The following AHCTF1 variants were observed in gnomAD, a reference collection of about 807,000 sequenced individuals.
The protein encoded by AHCTF1 is AT-hook containing transcription factor 1, also known as protein ELYS.
AHCTF1 carries 24 observed loss-of-function variants against 248.4 expected under a neutral mutation model. That is an observed-to-expected ratio of 0.10 (90% CI 0.07 to 0.14). The LOEUF (loss-of-function observed/expected upper bound fraction) is 0.14. Among genes scored for constraint, AHCTF1 ranks in the 10% least tolerant of loss-of-function variants. The probability of loss-of-function intolerance (pLI) is 1.00; values close to 1 mark genes in which losing one functional copy is unlikely to be tolerated. For synonymous variants in AHCTF1, 786 were observed against 929.8 expected (o/e 0.85, Z 2.81); for missense variants, 2,206 against 2,636.2 (o/e 0.84, Z 3.57).
At chr1:246,848,913 A>C (rs1465669428) in intron 33 of AHCTF1, among the ~76,000 whole-genome samples, 14 of 152,130 alleles carry the variant, frequency 9.2e-5, no homozygotes, top group Non-Finnish European at 5.9e-5. Flanking sequence ...ACAGAGAGTT[A>C]CTCTGATGGG....
At chr1:246,928,225 C>A (rs1376603728) in intron 1 of AHCTF1, among the ~76,000 whole-genome samples, 1 of 151,112 alleles carries the variant, frequency 6.6e-6, no homozygotes, top group African/African-American at 2.4e-5. Context: ...ATGGCATGAA[C>A]CCGGGAGGCG....
At position 246,920,776 on chromosome 1, in the gene AHCTF1, A is replaced by G. The variant is rs1666490654; in HGVS notation, c.-7-2399T>C. 2.6e-5 allele frequency among the ~76,000 whole-genome samples: 4 copies of G among 151,734 alleles called. No individual in the cohort carries two copies. The South Asian group carries it at 8.3e-4, about 32-fold the overall frequency. The stretch of plus-strand genomic sequence containing the variant: ...CAGAGCAAAACACTGTCTCAAAAAA[A>G]AAAAAAAAATTATTAAACAATAAAA... On this transcript the variant is annotated intron_variant, in intron 1 of 35. Coordinates refer to ENST00000648844, the MANE Select transcript of AHCTF1 (RefSeq NM_001323342.2).
At position 246,891,897 on chromosome 1, in the gene AHCTF1, C is replaced by A. The variant is rs371700914; in HGVS notation, c.1827G>T (p.Ser609=). The stretch of plus-strand genomic sequence containing the variant: ...TAGTTTGTGGATCCATGAAATGACA[C>A]GAACCATCAAATAATGGCACACCTT... The part of the protein sequence containing the change: ...DRLCVPLFDG[S]CHFMDPQTIQ... The change falls in exon 15 of 36, where the codon TCG becomes TCT. Residue 609 remains serine (S), a synonymous_variant. Transcript: ENST00000648844. The A allele has an allele frequency of 1.3e-6, 2 of 1,594,420 alleles. No homozygotes were observed. The highest frequency in any genetic ancestry group is 1.4e-5 in the African/African-American group (1 of 73,418).
intron 6 of AHCTF1, among the ~76,000 whole-genome samples, chr1:246,904,442 T>A (rs1160083878): frequency 6.6e-6 from 1 of 152,180 alleles, no homozygotes; most frequent in Non-Finnish European, 1.5e-5. Context: ...AACAGAATTA[T>A]CCCATAGTAA....
At position 246,853,162 on chromosome 1, in the gene AHCTF1, T is replaced by TTAGTACACCAACTTCTAC; in HGVS notation, c.4474_4491dup (p.Val1492_Leu1497dup). On this transcript the variant is annotated inframe_insertion, in exon 32 of 36. Coordinates refer to ENST00000648844, the MANE Select transcript of AHCTF1 (RefSeq NM_001323342.2). Reference sequence around the variant, plus strand: ...TCTTCTGGTAAGTCAACACTTTCTTTTAGTACACCAACTTCTACTTCATGA... The same window carrying TTAGTACACCAACTTCTAC: ...TCTTCTGGTAAGTCAACACTTTCTTTTAGTACACCAACTTCTACTAGTACACCAACTTCTACTTCATGA... The TTAGTACACCAACTTCTAC allele has an allele frequency of 1.2e-6, 2 of 1,613,058 alleles. No individual in the cohort carries two copies. Among genetic ancestry groups the TTAGTACACCAACTTCTAC allele is most frequent in the South Asian group, 2.2e-5 (2 of 90,822 alleles).
chr1:246,878,426 TAC>T, intron 21 of AHCTF1, among the ~76,000 whole-genome samples: 1 of 60,142 alleles, frequency 1.7e-5, no homozygotes, highest in African/African-American at 6.7e-5. Flanking sequence ...AAAAAAAAAA[TAC>T]AGTGAAACAA....
At chr1:246,881,264 T>G (rs1050841956) in intron 21 of AHCTF1, among the ~76,000 whole-genome samples, 6 of 152,088 alleles carry the variant, frequency 3.9e-5, no homozygotes, top group Admixed American at 3.3e-4. Flanking sequence ...AAAGAACAAA[T>G]TAAAACTCTT....
intron 23 of AHCTF1, among the ~76,000 whole-genome samples, chr1:246,876,485 T>C (rs1662974993): frequency 1.3e-5 from 2 of 152,204 alleles, no homozygotes; most frequent in African/African-American, 4.8e-5. Context: ...CTGTGCATCC[T>C]CAAAACAACC....
intron 26 of AHCTF1, among the ~76,000 whole-genome samples, chr1:246,866,143 G>T (rs962449268): frequency 6.6e-6 from 1 of 152,120 alleles, no homozygotes; most frequent in South Asian, 2.1e-4. Flanking sequence ...AACACAGAAG[G>T]TAAATATTCA....
chr1:246,889,313 G>T (rs145601846), intron 17 of AHCTF1, among the ~76,000 whole-genome samples: 3 of 151,610 alleles, frequency 2.0e-5, no homozygotes, highest in Non-Finnish European at 4.4e-5. Flanking sequence ...TGTGAATAGC[G>T]GCAGCACTTA....
At chr1:246,870,754 T>G (rs1004728986) in intron 24 of AHCTF1, among the ~76,000 whole-genome samples, 1 of 148,222 alleles carries the variant, frequency 6.7e-6, no homozygotes, top group African/African-American at 2.5e-5. Context: ...CTAGGCTATT[T>G]AATTTCTCAG....
At chr1:246,929,960 G>C (rs1250973992) in intron 1 of AHCTF1, among the ~76,000 whole-genome samples, 1 of 151,930 alleles carries the variant, frequency 6.6e-6, no homozygotes, top group African/African-American at 2.4e-5. Context: ...GCTGAGGCAG[G>C]AGAATCGCTT....
At chr1:246,917,513 T>C (rs1666229640) in intron 2 of AHCTF1, among the ~76,000 whole-genome samples, 2 of 152,174 alleles carry the variant, frequency 1.3e-5, no homozygotes, top group Admixed American at 1.3e-4. Flanking sequence ...AAATAAATGA[T>C]TTCATTCTCA....
intron 35 of AHCTF1, among the ~76,000 whole-genome samples, chr1:246,841,407 G>A (rs769485815): frequency 1.2e-4 from 19 of 152,180 alleles, no homozygotes; most frequent in Non-Finnish European, 2.2e-4. Context: ...AAGATGCACA[G>A]AATTTCACAA....
chr1:246,897,157 T>TA (rs1311712915), intron 12 of AHCTF1, among the ~76,000 whole-genome samples: 1 of 151,866 alleles, frequency 6.6e-6, no homozygotes, highest in Non-Finnish European at 1.5e-5. Flanking sequence ...CTACTAAAAA[T>TA]AAAAAATTAG....
intron 32 of AHCTF1, 143 bp downstream of exon 32, chr1:246,852,948 A>T: frequency 1.6e-6 from 1 of 633,144 alleles, no homozygotes; most frequent in Non-Finnish European, 2.7e-6. Flanking sequence ...TTATACACTT[A>T]TTTTTTGAAC....
chr1:246,892,551 C>T (rs956956381), intron 14 of AHCTF1, among the ~76,000 whole-genome samples: 3 of 152,090 alleles, frequency 2.0e-5, no homozygotes, highest in African/African-American at 7.2e-5. Flanking sequence ...GAACTCCTGA[C>T]CTCAGGTGAT....
intron 23 of AHCTF1, 21 bp from the exon 24 acceptor site, chr1:246,876,208 T>C (rs765123555): frequency 7.8e-6 from 12 of 1,545,454 alleles, no homozygotes; most frequent in Admixed American, 1.9e-5. Flanking sequence ...TCAAAATTGG[T>C]AAAAAATTTA....
In AHCTF1 at chr1:246,890,079, A is replaced by G. The variant is rs772059330; in HGVS notation, c.2051-20T>C. The G allele has an allele frequency of 2.4e-5, 37 of 1,547,378 alleles. No individual in the cohort carries two copies. The highest frequency in any genetic ancestry group is 1.3e-4 in the South Asian group (11 of 86,538). On this transcript the variant is annotated intron_variant, in intron 16 of 35. Coordinates refer to ENST00000648844, the MANE Select transcript of AHCTF1 (RefSeq NM_001323342.2). ...AATCATCTAGATTTTTAAGAGTTGG[A>G]AAAAAAGCTGGTAATAATCCCCAAA...
Sources: allele counts gnomAD v4.1 joint callset (sites outside exome capture counted in the v4.1 genomes callset), GRCh38; gene constraint gnomAD v4.1.1; transcripts MANE v1.5; gene names NCBI Gene and HGNC (gene_info 2026-07-23, HGNC 2026-07-21).